Variants in RABEP1 observed in about 807,000 individuals in gnomAD.
RABEP1 encodes rab GTPase-binding effector protein 1.
A neutral mutation model predicts 123.4 loss-of-function variants in RABEP1; 51 were observed. The observed-to-expected ratio is 0.41, with a 90% CI of 0.33 to 0.52. RABEP1 has a LOEUF of 0.52. Ranked by LOEUF, RABEP1 falls within the 20% of genes least tolerant of loss-of-function variation. RABEP1 has a pLI of 0.16. For synonymous variants in RABEP1, 347 were observed against 355.2 expected (o/e 0.98, Z 0.26); for missense variants, 888 against 996.3 (o/e 0.89, Z 1.46).
chr17:5,351,986 T>C (rs1260636262), intron 7 of RABEP1, among the ~76,000 whole-genome samples: 2 of 152,132 alleles, frequency 1.3e-5, no homozygotes, highest in Non-Finnish European at 2.9e-5. Context: ...TCCTTGACCG[T>C]ATTGTGTATA....
intron 3 of RABEP1, among the ~76,000 whole-genome samples, 182 bp from the exon 4 acceptor site, chr17:5,335,002 G>T (rs1446169999): frequency 2.0e-5 from 3 of 152,156 alleles, no homozygotes; most frequent in East Asian, 1.9e-4. Flanking sequence ...TAGAAGTGAT[G>T]ATTTAAAGCC....
chr17:5,350,751 G>A (rs2144648271), intron 7 of RABEP1, 122 bp downstream of exon 7: 5 of 1,072,844 alleles, frequency 4.7e-6, no homozygotes, highest in Non-Finnish European at 4.0e-6. Flanking sequence ...AAGGTGATAT[G>A]TGCCACTTTT....
intron 5 of RABEP1, among the ~76,000 whole-genome samples, chr17:5,339,668 A>G (rs1280355235): frequency 1.2e-5 from 1 of 85,204 alleles, no homozygotes; most frequent in East Asian, 3.2e-3. Context: ...CGTGGTGGCC[A>G]CGCGCCTTGT....
At chr17:5,329,252 T>C (rs1347110514) in intron 2 of RABEP1, among the ~76,000 whole-genome samples, 1 of 151,930 alleles carries the variant, frequency 6.6e-6, no homozygotes, top group African/African-American at 2.4e-5. Flanking sequence ...CATGGCAGGC[T>C]GGGTGTGGTG....
rs191782499 is a variant in RABEP1 at position 5,384,134 on chromosome 17, A to T, written c.*911A>T. The T allele has an allele frequency of 4.2e-5, 9 of 214,654 alleles. No homozygotes were observed. In the East Asian group the frequency reaches 5.6e-4, roughly 13 times the overall value. 13.3% of individuals were successfully genotyped at this position (214,654 alleles called of 1,614,324 possible). A position where few individuals can be genotyped will look rare whatever the true frequency, so the allele number is the denominator to read the frequency against. ...CGTACTACTTGTTTCAAATGTGTCA[A>T]ATACAAAAATGGTAACTAGGTTGAC... On this transcript the variant is annotated 3_prime_UTR_variant, in exon 18 of 18. Transcript: ENST00000537505.
intron 5 of RABEP1, among the ~76,000 whole-genome samples, chr17:5,343,033 G>A (rs1315938125): frequency 1.3e-5 from 2 of 152,210 alleles, no homozygotes; most frequent in South Asian, 2.1e-4. Flanking sequence ...GCCAAGGCAG[G>A]TGGGTCACCT....
chr17:5,386,241 GCTTC>G lies in RABEP1; in HGVS notation c.*3019_*3022del. On this transcript the variant is annotated 3_prime_UTR_variant, in exon 18 of 18. Coordinates refer to ENST00000537505, the MANE Select transcript of RABEP1 (RefSeq NM_004703.6). ...ACATGATTGCGGATATCATTGATTT[GCTTC>G]ACCATTTCCCTTATATGTTCACCCC... 6.2e-7 allele frequency: 1 copy of G among 1,613,116 alleles called. No homozygotes were observed. The highest frequency in any genetic ancestry group is 8.5e-7 in the Non-Finnish European group (1 of 1,179,606).
At chr17:5,341,605 A>G (rs1907617246) in intron 5 of RABEP1, among the ~76,000 whole-genome samples, 1 of 152,222 alleles carries the variant, frequency 6.6e-6, no homozygotes, top group African/African-American at 2.4e-5. Context: ...AACTGTTTTT[A>G]TGAGACTAGT....
At chr17:5,341,008 T>A (rs2144623306) in intron 5 of RABEP1, among the ~76,000 whole-genome samples, 1 of 150,534 alleles carries the variant, frequency 6.6e-6, no homozygotes, top group East Asian at 2.0e-4. Flanking sequence ...CATAGGAATT[T>A]GTGAAATAGA....
chr17:5,365,315 A>C, intron 11 of RABEP1, 77 bp downstream of exon 11: 1 of 1,033,930 alleles, frequency 9.7e-7, no homozygotes, highest in Non-Finnish European at 1.4e-6. Context: ...AAATATAGTC[A>C]TGTTTTTTTT....
intron 5 of RABEP1, among the ~76,000 whole-genome samples, chr17:5,342,959 G>A (rs964837927): frequency 1.6e-4 from 24 of 152,168 alleles, no homozygotes; most frequent in African/African-American, 5.8e-4. Flanking sequence ...AGAATGGATT[G>A]TTAAAAAATA....
intron 2 of RABEP1, among the ~76,000 whole-genome samples, chr17:5,310,845 T>G (rs949858330): frequency 1.3e-5 from 2 of 150,626 alleles, no homozygotes; most frequent in African/African-American, 4.9e-5. Flanking sequence ...AGTCTCGCTG[T>G]GTTGTCCAGG....
intron 10 of RABEP1, among the ~76,000 whole-genome samples, chr17:5,363,311 C>T (rs1909727320): frequency 6.6e-6 from 1 of 151,736 alleles, no homozygotes; most frequent in Non-Finnish European, 1.5e-5. Flanking sequence ...CTTCCGACCC[C>T]CTGGTTCAAG....
At chr17:5,284,479 T>C (rs898638530) in intron 1 of RABEP1, among the ~76,000 whole-genome samples, 7 of 151,860 alleles carry the variant, frequency 4.6e-5, no homozygotes, top group African/African-American at 1.7e-4. Flanking sequence ...TTTTTTTTTT[T>C]CTTTGAGACA....
chr17:5,360,149 C>A (rs1052628490), intron 8 of RABEP1, among the ~76,000 whole-genome samples: 1 of 152,194 alleles, frequency 6.6e-6, no homozygotes, highest in Non-Finnish European at 1.5e-5. Context: ...CTTTATGGCT[C>A]TATGGATTTA....
At chr17:5,346,709 T>C in intron 5 of RABEP1, 81 bp from the exon 6 acceptor site, 2 of 1,165,004 alleles carry the variant, frequency 1.7e-6, no homozygotes, top group Non-Finnish European at 2.3e-6. Flanking sequence ...TTTTGAGGCA[T>C]AGCCAGAACT....
Position 5,282,467 on chromosome 17 carries a change from C to T in RABEP1, c.-20C>T. The T allele has an allele frequency of 7.4e-7, 1 of 1,344,394 alleles. No homozygotes were observed. Among genetic ancestry groups the T allele is most frequent in the South Asian group, 1.8e-5 (1 of 54,794 alleles). The allele number at this position is 1,344,394 out of a possible 1,614,324, so 83.3% of individuals were successfully genotyped here. A position where few individuals can be genotyped will look rare whatever the true frequency, so the allele number is the denominator to read the frequency against. On this transcript the variant is annotated 5_prime_UTR_variant, in exon 1 of 18. Coordinates refer to ENST00000537505, the MANE Select transcript of RABEP1 (RefSeq NM_004703.6). Reference sequence around the variant, plus strand: ...CCGCTTCCCCGCCCATCCCCGCTCCCCGAGGCCGGCCGCCTGGTCATGGCG... The same window carrying T: ...CCGCTTCCCCGCCCATCCCCGCTCCTCGAGGCCGGCCGCCTGGTCATGGCG...
chr17:5,343,206 C>G (rs576137755), intron 5 of RABEP1, among the ~76,000 whole-genome samples: 2 of 152,036 alleles, frequency 1.3e-5, no homozygotes, highest in African/African-American at 4.8e-5. Flanking sequence ...GAGCCAAGAT[C>G]GCACCATTGC....
In RABEP1 at chr17:5,361,284, G is replaced by A. The variant is rs552655395; in HGVS notation, c.1172G>A (p.Ser391Asn). The change falls in exon 9 of 18, where the codon AGT becomes AAT. Residue 391 changes from serine (S) to asparagine (N), a missense_variant. Physicochemically the swap from Ser to Asn is conservative, Grantham distance 46. Transcript: ENST00000537505. ...CTGTTGCCATCTGGAGATCCTTTCAGTAAATCGGACAATGACATGTTTAAA... is the reference window on the plus strand; with the variant it reads ...CTGTTGCCATCTGGAGATCCTTTCAATAAATCGGACAATGACATGTTTAAA... ...GLLLPSGDPF[S>N]KSDNDMFKDG... is the part of the protein sequence containing the mutation. The A allele has an allele frequency of 6.2e-7, 1 of 1,614,164 alleles. No individual in the cohort carries two copies. Among genetic ancestry groups the A allele is most frequent in the East Asian group, 2.2e-5 (1 of 44,884 alleles).
Sources: gnomAD v4.1 joint callset for allele counts (sites outside exome capture counted in the v4.1 genomes callset) on GRCh38, gnomAD v4.1.1 for gene constraint, MANE v1.5 for transcripts, NCBI Gene and HGNC (gene_info 2026-07-23, HGNC 2026-07-21) for gene names.